Variants in PACSIN2 observed in about 807,000 individuals in gnomAD.
PACSIN2 encodes the protein protein kinase C and casein kinase substrate in neurons 2, also known as protein kinase C and casein kinase substrate in neurons protein 2.
In PACSIN2, 25 loss-of-function variants were observed where a neutral mutation model predicts 63.8. That is an observed-to-expected ratio of 0.39 (90% confidence interval 0.29 to 0.55). The LOEUF is 0.55. Ranked by LOEUF, PACSIN2 falls within the 20% of genes least tolerant of loss-of-function variation. The pLI is 0.62. For missense variants in PACSIN2, 518 were observed against 646.9 expected (o/e 0.80, Z 2.16); for synonymous variants, 255 against 256.2 (o/e 1.00, Z 0.05).
At chr22:42,996,993 T>C (rs1196987572) in intron 1 of PACSIN2, among the ~76,000 whole-genome samples, 1 of 152,160 alleles carries the variant, frequency 6.6e-6, no homozygotes, top group Non-Finnish European at 1.5e-5. Flanking sequence ...CTGATAACGA[T>C]TGTGAAGTCA....
intron 1 of PACSIN2, among the ~76,000 whole-genome samples, chr22:42,914,124 A>G (rs1425324553): frequency 1.3e-5 from 2 of 152,250 alleles, no homozygotes; most frequent in African/African-American, 2.4e-5. Flanking sequence ...GGGTTCTCCC[A>G]CACTGGTTAG....
intron 1 of PACSIN2, among the ~76,000 whole-genome samples, chr22:42,956,660 G>T (rs1371508548): frequency 1.3e-5 from 2 of 152,092 alleles, no homozygotes; most frequent in African/African-American, 4.8e-5. Context: ...TCTAGAATCT[G>T]GTCTGGAGAG....
intron 1 of PACSIN2, among the ~76,000 whole-genome samples, chr22:42,979,653 T>C (rs1921943477): frequency 6.6e-6 from 1 of 152,094 alleles, no homozygotes. Context: ...TCTCTATGAA[T>C]TCTCTGGCTC....
intron 1 of PACSIN2, among the ~76,000 whole-genome samples, chr22:42,927,843 T>TCCCAAA (rs1030122695): frequency 6.6e-6 from 1 of 152,130 alleles, no homozygotes; most frequent in Non-Finnish European, 1.5e-5. Flanking sequence ...TGCCTCAGCC[T>TCCCAAA]CCCAAAGTGC....
intron 10 of PACSIN2, among the ~76,000 whole-genome samples, chr22:42,875,368 A>G (rs953193558): frequency 6.7e-6 from 1 of 148,582 alleles, no homozygotes; most frequent in Admixed American, 6.6e-5. Context: ...TGCCCAGGTT[A>G]TTTATTTGTT....
intron 1 of PACSIN2, among the ~76,000 whole-genome samples, chr22:42,994,310 CAT>C (rs1200192661): frequency 1.3e-5 from 2 of 152,186 alleles, no homozygotes; most frequent in Non-Finnish European, 1.5e-5. Flanking sequence ...TCCCAAGCCC[CAT>C]GTGTCAGATA....
chr22:42,888,908 C>A, intron 4 of PACSIN2, 110 bp from the exon 5 acceptor site: 1 of 1,110,864 alleles, frequency 9.0e-7, no homozygotes, highest in Admixed American at 1.9e-5. Flanking sequence ...GAGAAAAAGG[C>A]AGGTACAAAA....
intron 1 of PACSIN2, among the ~76,000 whole-genome samples, chr22:42,962,461 C>T (rs931241593): frequency 6.6e-6 from 1 of 152,126 alleles, no homozygotes; most frequent in African/African-American, 2.4e-5. Context: ...ACAACACTGC[C>T]CCTCCAACTT....
At position 42,877,023 on chromosome 22, in the gene PACSIN2, A is replaced by G. The variant is rs1339028998; in HGVS notation, c.1029-13T>C. 1.2e-6 allele frequency: 2 copies of G among 1,613,844 alleles called. No individual in the cohort carries two copies. The highest frequency in any genetic ancestry group is 3.3e-5 in the Admixed American group (2 of 60,000). Reference sequence around the variant, plus strand: ...GACATTAAGGGTGCTATGGAGAGAGAGAGCTTTCAGGGGATCCCAGCTCTG... The same window carrying G: ...GACATTAAGGGTGCTATGGAGAGAGGGAGCTTTCAGGGGATCCCAGCTCTG... On this transcript the variant is annotated splice_polypyrimidine_tract_variant and intron_variant, in intron 8 of 10. Coordinates refer to ENST00000263246, the MANE Select transcript of PACSIN2 (RefSeq NM_001184970.3).
At chr22:42,931,949 A>G (rs1028262428) in intron 1 of PACSIN2, among the ~76,000 whole-genome samples, 1 of 152,196 alleles carries the variant, frequency 6.6e-6, no homozygotes, top group South Asian at 2.1e-4. Context: ...CGTTAAAGAG[A>G]ACAGAAAACC....
chr22:42,996,303 A>T (rs532256976), intron 1 of PACSIN2, among the ~76,000 whole-genome samples: 2 of 151,572 alleles, frequency 1.3e-5, no homozygotes, highest in African/African-American at 4.8e-5. Context: ...GGAGGCCAAG[A>T]TGGGTGGATC....
intron 1 of PACSIN2, among the ~76,000 whole-genome samples, chr22:42,965,454 G>A (rs1920945104): frequency 6.6e-6 from 1 of 152,198 alleles, no homozygotes; most frequent in African/African-American, 2.4e-5. Context: ...GGAAAAGAAG[G>A]TGAGAAAACA....
At chr22:42,970,911 C>A in intron 1 of PACSIN2, among the ~76,000 whole-genome samples, 1 of 152,148 alleles carries the variant, frequency 6.6e-6, no homozygotes, top group East Asian at 1.9e-4. Context: ...GCTGTGCGGT[C>A]AGACAGCGAC....
In PACSIN2 at chr22:42,971,277, G is replaced by A. The variant is rs566536842; in HGVS notation, c.-78+43744C>T. Among the ~76,000 whole-genome samples the A allele has an allele frequency of 4.6e-5, 7 of 152,280 alleles. No individual in the cohort carries two copies. The South Asian group carries it at 1.4e-3, about 32-fold the overall frequency. On this transcript the variant is annotated intron_variant, in intron 1 of 10. Coordinates refer to ENST00000263246, the MANE Select transcript of PACSIN2 (RefSeq NM_001184970.3). ...GTTTTTGTATTTTTTGGTGGAGACG[G>A]GGTTTCGCCGTGTTGGCCGGGCTGG...
intron 7 of PACSIN2, among the ~76,000 whole-genome samples, chr22:42,881,223 C>T (rs779291925): frequency 2.0e-5 from 3 of 152,234 alleles, no homozygotes; most frequent in South Asian, 2.1e-4. Flanking sequence ...GGCTATGAGG[C>T]GCCCAGGAGG....
At chr22:42,935,166 C>G (rs1009971796) in intron 1 of PACSIN2, among the ~76,000 whole-genome samples, 1 of 151,396 alleles carries the variant, frequency 6.6e-6, no homozygotes, top group Admixed American at 6.6e-5. Context: ...ACCTCATGAT[C>G]TGCCCGTCTC....
chr22:42,881,152 G>A (rs1296024555), intron 7 of PACSIN2, among the ~76,000 whole-genome samples: 1 of 152,168 alleles, frequency 6.6e-6, no homozygotes, highest in African/African-American at 2.4e-5. Context: ...CTGTCATTTG[G>A]AAAAACCTTC....
chr22:42,896,795 CTGTTT>C (rs1237703747), intron 2 of PACSIN2, among the ~76,000 whole-genome samples: 6 of 152,138 alleles, frequency 3.9e-5, no homozygotes, highest in Admixed American at 1.3e-4. Context: ...GTGTTTTGTT[CTGTTT>C]TGTTATTTTT....
At chr22:42,943,494 G>A (rs1321715939) in intron 1 of PACSIN2, among the ~76,000 whole-genome samples, 1 of 152,186 alleles carries the variant, frequency 6.6e-6, no homozygotes, top group Non-Finnish European at 1.5e-5. Flanking sequence ...AAAGCTTTTA[G>A]TCTTTCACTG....
Sources: gnomAD v4.1 joint callset for allele counts (sites outside exome capture counted in the v4.1 genomes callset) on GRCh38, gnomAD v4.1.1 for gene constraint, MANE v1.5 for transcripts, NCBI Gene and HGNC (gene_info 2026-07-23, HGNC 2026-07-21) for gene names.